The following LRRC4C variants were observed in gnomAD, a reference collection of about 807,000 sequenced individuals.
The protein encoded by LRRC4C is leucine-rich repeat-containing protein 4C.
A neutral mutation model predicts 33.6 loss-of-function variants in LRRC4C; 5 were observed. The observed-to-expected ratio is 0.15, with a 90% CI of 0.08 to 0.31. The LOEUF is 0.31. Among genes scored for constraint, LRRC4C ranks in the 10% least tolerant of loss-of-function variants. The probability of loss-of-function intolerance (pLI) is 1.00; values close to 1 mark genes in which losing one functional copy is unlikely to be tolerated. For synonymous variants in LRRC4C, 329 were observed against 302.0 expected (o/e 1.09, Z -0.93); for missense variants, 560 against 796.7 (o/e 0.70, Z 3.58).
intron 1 of LRRC4C, among the ~76,000 whole-genome samples, chr11:41,359,602 T>C (rs1952280033): frequency 6.6e-6 from 1 of 152,146 alleles, no homozygotes; most frequent in Non-Finnish European, 1.5e-5. Flanking sequence ...CGGTGAAACA[T>C]AGGCATGCAA....
At position 40,114,350 on chromosome 11, in the gene LRRC4C, TTTG is replaced by T; in HGVS notation, c.*17_*19del. 1.3e-6 allele frequency: 2 copies of T among 1,542,034 alleles called. No individual in the cohort carries two copies. The highest frequency in any genetic ancestry group is 1.7e-6 in the Non-Finnish European group (2 of 1,146,838). ...TGTCTTTTTTTTTGATTGTTTGTTTTTTGTAACTCTGTAAATGTTTTAGATTTG... is the reference window on the plus strand; with the variant it reads ...TGTCTTTTTTTTTGATTGTTTGTTTTTAACTCTGTAAATGTTTTAGATTTG... On this transcript the variant is annotated 3_prime_UTR_variant, in exon 7 of 7. Coordinates refer to ENST00000528697, the MANE Select transcript of LRRC4C (RefSeq NM_001258419.2).
intron 1 of LRRC4C, among the ~76,000 whole-genome samples, chr11:41,416,494 G>C (rs1342835973): frequency 2.0e-5 from 3 of 152,040 alleles, no homozygotes; most frequent in African/African-American, 7.2e-5. Flanking sequence ...AACCGCTTCT[G>C]TATTGATGTA....
chr11:40,778,999 T>C (rs1950116661), intron 2 of LRRC4C, among the ~76,000 whole-genome samples: 1 of 152,162 alleles, frequency 6.6e-6, no homozygotes, highest in Admixed American at 6.5e-5. Flanking sequence ...TAAAATATTG[T>C]TCTCTCTACA....
At chr11:40,992,432 T>C (rs1040152300) in intron 1 of LRRC4C, among the ~76,000 whole-genome samples, 1 of 126,110 alleles carries the variant, frequency 7.9e-6, no homozygotes, top group African/African-American at 2.6e-5. Context: ...TAAACAAAAG[T>C]GGTTTTTTTT....
At chr11:40,444,849 A>G (rs938601390) in intron 3 of LRRC4C, among the ~76,000 whole-genome samples, 1 of 152,236 alleles carries the variant, frequency 6.6e-6, no homozygotes, top group African/African-American at 2.4e-5. Flanking sequence ...TGTAACCAAA[A>G]CAGATCACAC....
At chr11:40,990,456 C>T (rs570347916) in intron 1 of LRRC4C, among the ~76,000 whole-genome samples, 78 of 151,796 alleles carry the variant, frequency 5.1e-4, no homozygotes, top group African/African-American at 1.8e-3. Flanking sequence ...CAAAACTAAG[C>T]AGAACAGCTA....
chr11:40,863,608 C>T (rs2135869185), intron 2 of LRRC4C, among the ~76,000 whole-genome samples: 1 of 152,208 alleles, frequency 6.6e-6, no homozygotes, highest in African/African-American at 2.4e-5. Flanking sequence ...AGGCTGAAAT[C>T]ATAAGCTCAG....
chr11:40,847,314 C>A (rs1387550394), intron 2 of LRRC4C, among the ~76,000 whole-genome samples: 1 of 152,060 alleles, frequency 6.6e-6, no homozygotes, highest in African/African-American at 2.4e-5. Flanking sequence ...TTTTGATATA[C>A]TTTCCATCAA....
intron 1 of LRRC4C, among the ~76,000 whole-genome samples, chr11:41,067,762 C>T (rs576696482): frequency 3.3e-5 from 5 of 152,278 alleles, no homozygotes; most frequent in East Asian, 3.9e-4. Context: ...CACTTAAAAC[C>T]ACACAACTAC....
intron 1 of LRRC4C, among the ~76,000 whole-genome samples, chr11:41,409,882 T>C (rs2138200744): frequency 6.6e-6 from 1 of 152,360 alleles, no homozygotes; most frequent in African/African-American, 2.4e-5. Context: ...CACCAAGTCA[T>C]ATGGCTACTT....
Position 40,633,325 on chromosome 11 carries a change from T to TTTTCTTTCTTTCTTTCTTTC in LRRC4C, c.-270+14797_-270+14816dup, listed in dbSNP as rs1555125485. Among the ~76,000 whole-genome samples, 305 of 112,128 alleles carry TTTTCTTTCTTTCTTTCTTTC rather than the reference T, an allele frequency of 2.7e-3. 11 individuals carry two copies. The highest frequency in any genetic ancestry group is 3.5e-3 in the African/African-American group (116 of 32,952). 73.6% of individuals were successfully genotyped at this position (112,128 alleles called of 152,430 possible). On this transcript the variant is annotated intron_variant, in intron 3 of 6. Transcript: ENST00000528697. ...AAATCTTAGCTCAGCCAAGTTTTCT[T>TTTTCTTTCTTTCTTTCTTTC]TTTCTTTCTTTCTTTCTTTCTTTCT...
chr11:41,119,841 GATGAGCTGAGGACATTAGT>G (rs1565401086), intron 1 of LRRC4C, among the ~76,000 whole-genome samples: 1 of 152,076 alleles, frequency 6.6e-6, no homozygotes, highest in African/African-American at 2.4e-5. Context: ...TTTATGTATA[GATGAGCTGAGGACATTAGT>G]TTCAATTTTG....
chr11:40,276,872 C>T (rs2136402495), intron 4 of LRRC4C, among the ~76,000 whole-genome samples: 1 of 152,110 alleles, frequency 6.6e-6, no homozygotes, highest in South Asian at 2.1e-4. Flanking sequence ...GGGGGCATTG[C>T]CTCCCATCTG....
intron 3 of LRRC4C, among the ~76,000 whole-genome samples, chr11:40,593,390 C>T (rs1023815460): frequency 6.6e-6 from 1 of 152,114 alleles, no homozygotes; most frequent in Non-Finnish European, 1.5e-5. Context: ...CACATGTGCA[C>T]AATTTATATA....
intron 3 of LRRC4C, among the ~76,000 whole-genome samples, chr11:40,567,681 A>T (rs901927625): frequency 2.6e-5 from 4 of 152,230 alleles, no homozygotes; most frequent in African/African-American, 9.6e-5. Flanking sequence ...ATAATGTAGC[A>T]TCACTTAGCA....
intron 1 of LRRC4C, among the ~76,000 whole-genome samples, chr11:41,212,201 T>G (rs1946852353): frequency 6.6e-6 from 1 of 152,232 alleles, no homozygotes; most frequent in African/African-American, 2.4e-5. Flanking sequence ...TAATCAATAT[T>G]ATTTTTATCT....
chr11:40,646,218 A>G (rs1942447068), intron 3 of LRRC4C, among the ~76,000 whole-genome samples: 1 of 152,318 alleles, frequency 6.6e-6, no homozygotes, highest in South Asian at 2.1e-4. Flanking sequence ...GGCTATGTGC[A>G]AGGCAAAATT....
rs1555125544 is a variant in LRRC4C at position 40,633,350 on chromosome 11, T to TTTC, written c.-270+14789_-270+14791dup. Reference sequence around the variant, plus strand: ...TTTTCTTTCTTTCTTTCTTTCTTTCTTTCTTTCTTTCTTTCTTTCTTTCTC... The same window carrying TTTC: ...TTTTCTTTCTTTCTTTCTTTCTTTCTTTCTTCTTTCTTTCTTTCTTTCTTTCTC... On this transcript the variant is annotated intron_variant, in intron 3 of 6. Transcript: ENST00000528697. Among the ~76,000 whole-genome samples the TTTC allele has an allele frequency of 1.7e-4, 6 of 36,206 alleles. 1 individual carries two copies. Among genetic ancestry groups the TTTC allele is most frequent in the Admixed American group, 2.9e-4 (1 of 3,466 alleles). The allele number at this position is 36,206 out of a possible 152,430, so 23.8% of individuals were successfully genotyped here.
intron 3 of LRRC4C, among the ~76,000 whole-genome samples, chr11:40,538,896 T>C (rs529640749): frequency 3.3e-5 from 5 of 152,372 alleles, no homozygotes; most frequent in Admixed American, 1.3e-4. Flanking sequence ...TGGCCAGTGA[T>C]GATGAGCATT....
Sources: gnomAD v4.1 joint callset for allele counts (sites outside exome capture counted in the v4.1 genomes callset) on GRCh38, gnomAD v4.1.1 for gene constraint, MANE v1.5 for transcripts, NCBI Gene and HGNC (gene_info 2026-07-23, HGNC 2026-07-21) for gene names.